KCNIP4: variants seen among roughly 807,000 people sequenced by gnomAD.
KCNIP4 encodes the protein potassium voltage-gated channel interacting protein 4, also known as Kv channel-interacting protein 4.
Under a neutral mutation model 34.0 loss-of-function variants are expected in KCNIP4, and 12 were observed. That is an observed-to-expected ratio of 0.35 (90% CI 0.23 to 0.57). The LOEUF (loss-of-function observed/expected upper bound fraction) is 0.57, where lower values mean the gene tolerates loss of function less well. KCNIP4 is among the 20% of genes least tolerant of loss of function. The pLI is 0.83. For synonymous variants in KCNIP4, 124 were observed against 102.2 expected (o/e 1.21, Z -1.29); for missense variants, 238 against 311.7 (o/e 0.76, Z 1.78).
chr4:21,704,923 A>G (rs1429728004), intron 1 of KCNIP4, among the ~76,000 whole-genome samples: 1 of 152,202 alleles, frequency 6.6e-6, no homozygotes, highest in African/African-American at 2.4e-5. Flanking sequence ...ACGGATGCTT[A>G]TAGCATTTTG....
intron 2 of KCNIP4, among the ~76,000 whole-genome samples, chr4:20,853,895 C>CTCAACA (rs1213070315): frequency 7.9e-5 from 12 of 152,250 alleles, no homozygotes; most frequent in African/African-American, 2.9e-4. Context: ...TGAAAAAATG[C>CTCAACA]TCAACATCAC....
At chr4:20,924,310 A>G (rs992600759) in intron 1 of KCNIP4, among the ~76,000 whole-genome samples, 8 of 152,184 alleles carry the variant, frequency 5.3e-5, no homozygotes, top group African/African-American at 1.9e-4. Flanking sequence ...ATGTATCAGT[A>G]ATGCCAAGAA....
chr4:21,512,090 AGG>A (rs1734370688), intron 1 of KCNIP4, among the ~76,000 whole-genome samples: 2 of 64,612 alleles, frequency 3.1e-5, no homozygotes, highest in East Asian at 5.2e-4. Context: ...GGAAGGAAGG[AGG>A]GAGGGAGGGA....
intron 1 of KCNIP4, among the ~76,000 whole-genome samples, chr4:21,477,519 C>A (rs1018188521): frequency 1.3e-5 from 2 of 152,130 alleles, no homozygotes; most frequent in Admixed American, 6.6e-5. Flanking sequence ...GGCCACAACT[C>A]CACAGCTTAC....
chr4:20,965,147 TAGA>T lies in KCNIP4; in HGVS notation c.62-82441_62-82439del, dbSNP rs150736729. On this transcript the variant is annotated intron_variant, in intron 1 of 8. Coordinates refer to ENST00000382152, the MANE Select transcript of KCNIP4 (RefSeq NM_025221.6). The stretch of plus-strand genomic sequence containing the variant: ...TGTGAAGATAGTCCTCATCCATATT[TAGA>T]AGAAGCCTCAAAAAGAAGCAAAGGA... Among the ~76,000 whole-genome samples, 616 of 152,298 alleles carry T rather than the reference TAGA, an allele frequency of 4.0e-3. 4 individuals are homozygous for T. Among genetic ancestry groups the T allele is most frequent in the East Asian group, 0.037 (190 of 5,180 alleles).
intron 1 of KCNIP4, among the ~76,000 whole-genome samples, chr4:21,231,240 TTTA>T (rs1298193312): frequency 2.0e-5 from 3 of 152,194 alleles, no homozygotes; most frequent in Non-Finnish European, 4.4e-5. Flanking sequence ...GGGCTATGAA[TTTA>T]TTCTTATTTT....
intron 1 of KCNIP4, among the ~76,000 whole-genome samples, chr4:21,526,565 C>CAT (rs1735991993): frequency 6.6e-6 from 1 of 151,846 alleles, no homozygotes; most frequent in Non-Finnish European, 1.5e-5. Flanking sequence ...TCAATCTATT[C>CAT]ATATATATAG....
intron 2 of KCNIP4, among the ~76,000 whole-genome samples, chr4:20,856,580 A>G (rs1721604799): frequency 6.6e-6 from 1 of 152,154 alleles, no homozygotes; most frequent in Non-Finnish European, 1.5e-5. Context: ...ACCTAACAGG[A>G]AGTCTGATAC....
intron 1 of KCNIP4, among the ~76,000 whole-genome samples, chr4:21,380,314 T>C (rs989204564): frequency 6.6e-6 from 1 of 152,034 alleles, no homozygotes; most frequent in Admixed American, 6.6e-5. Context: ...ACTTTGATCA[T>C]ATTCTTAAGT....
chr4:20,732,444 G>C (rs141083867), intron 7 of KCNIP4, among the ~76,000 whole-genome samples: 1 of 152,162 alleles, frequency 6.6e-6, no homozygotes, highest in Non-Finnish European at 1.5e-5. Flanking sequence ...AACAAAACTT[G>C]TGAAACATGA....
chr4:21,185,081 A>T (rs1206705387), intron 1 of KCNIP4, among the ~76,000 whole-genome samples: 1 of 152,184 alleles, frequency 6.6e-6, no homozygotes, highest in Non-Finnish European at 1.5e-5. Flanking sequence ...ACTTCTAGAA[A>T]GATTACTATT....
chr4:21,097,802 T>C (rs1747592606), intron 1 of KCNIP4, among the ~76,000 whole-genome samples: 1 of 152,144 alleles, frequency 6.6e-6, no homozygotes, highest in Non-Finnish European at 1.5e-5. Flanking sequence ...TGTAAATGTT[T>C]AAGGGCAAGG....
intron 1 of KCNIP4, among the ~76,000 whole-genome samples, chr4:21,099,955 G>T (rs1747796372): frequency 6.6e-6 from 1 of 152,086 alleles, no homozygotes; most frequent in South Asian, 2.1e-4. Flanking sequence ...TACTGAGTTT[G>T]ATCAATCTCA....
chr4:20,876,235 C>G (rs529210024), intron 2 of KCNIP4, among the ~76,000 whole-genome samples: 2 of 151,924 alleles, frequency 1.3e-5, no homozygotes, highest in Admixed American at 1.3e-4. Flanking sequence ...ATTTCCTGAC[C>G]ATTATCTAGT....
At chr4:21,137,095 C>A (rs966071236) in intron 1 of KCNIP4, among the ~76,000 whole-genome samples, 1 of 146,976 alleles carries the variant, frequency 6.8e-6, no homozygotes, top group African/African-American at 2.5e-5. Context: ...GTCGTCTTGG[C>A]AAAATATTTG....
intron 2 of KCNIP4, among the ~76,000 whole-genome samples, chr4:20,870,762 C>T (rs1487251963): frequency 1.3e-5 from 2 of 152,128 alleles, no homozygotes; most frequent in Non-Finnish European, 2.9e-5. Context: ...TCCCACACAA[C>T]TTATGATTTA....
chr4:21,417,700 T>C (rs752540261), intron 1 of KCNIP4, among the ~76,000 whole-genome samples: 1 of 152,136 alleles, frequency 6.6e-6, no homozygotes, highest in Non-Finnish European at 1.5e-5. Flanking sequence ...TGTCATGAAG[T>C]AGTCCTCGGA....
chr4:21,023,295 A>G lies in KCNIP4; in HGVS notation c.62-140586T>C, dbSNP rs147366445. On this transcript the variant is annotated intron_variant, in intron 1 of 8. Transcript: ENST00000382152. ...AGAGAGAATATCAATAAAGATATAG[A>G]CATTATTTTAAAAAGAACCATCTGG... 3.1e-3 allele frequency among the ~76,000 whole-genome samples: 472 copies of G among 152,318 alleles called. 1 individual carries two copies. The highest frequency in any genetic ancestry group is 0.011 in the African/African-American group (440 of 41,584).
chr4:21,711,133 T>A (rs1431984378), intron 1 of KCNIP4, among the ~76,000 whole-genome samples: 1 of 152,140 alleles, frequency 6.6e-6, no homozygotes, highest in East Asian at 1.9e-4. Context: ...TTCGTTTGTA[T>A]AACATTGCAG....
Sources: allele counts gnomAD v4.1 joint callset (sites outside exome capture counted in the v4.1 genomes callset), GRCh38; gene constraint gnomAD v4.1.1; transcripts MANE v1.5; gene names NCBI Gene and HGNC (gene_info 2026-07-23, HGNC 2026-07-21).